ATP9A: variants seen among roughly 807,000 people sequenced by gnomAD.
ATP9A encodes ATPase phospholipid transporting 9A.
In ATP9A, 52 loss-of-function variants were observed where a neutral mutation model predicts 144.1. The observed-to-expected ratio is 0.36, with a 90% CI of 0.29 to 0.45. The LOEUF (loss-of-function observed/expected upper bound fraction) is 0.45. Ranked by LOEUF, ATP9A falls within the 20% of genes least tolerant of loss-of-function variation. The probability of loss-of-function intolerance (pLI) is 1.00; values close to 1 mark genes in which losing one functional copy is unlikely to be tolerated. For synonymous variants in ATP9A, 582 were observed against 557.4 expected (o/e 1.04, Z -0.62); for missense variants, 947 against 1,392.7 (o/e 0.68, Z 5.09).
At chr20:51,643,912 G>C (rs1349004490) in intron 14 of ATP9A, among the ~76,000 whole-genome samples, 4 of 152,110 alleles carry the variant, frequency 2.6e-5, no homozygotes, top group African/African-American at 9.7e-5. Context: ...GAGGCAGGAG[G>C]ATCACCTGAG....
chr20:51,652,288 T>C (rs1447614353), intron 14 of ATP9A, among the ~76,000 whole-genome samples: 3 of 152,188 alleles, frequency 2.0e-5, no homozygotes, highest in Admixed American at 1.3e-4. Context: ...AATCGATAGC[T>C]GAATAAAGAC....
intron 26 of ATP9A, among the ~76,000 whole-genome samples, chr20:51,605,549 T>C (rs981776775): frequency 8.5e-5 from 13 of 152,074 alleles, no homozygotes; most frequent in African/African-American, 3.1e-4. Context: ...GCCTGGGAGA[T>C]GGAGGTTACA....
chr20:51,728,689 C>A (rs2077726564), intron 2 of ATP9A, among the ~76,000 whole-genome samples: 1 of 151,782 alleles, frequency 6.6e-6, no homozygotes, highest in Non-Finnish European at 1.5e-5. Flanking sequence ...TGGCTTGAGC[C>A]CAGGAGTCTG....
intron 4 of ATP9A, 103 bp from the exon 5 acceptor site, chr20:51,697,585 T>C: frequency 2.0e-6 from 2 of 1,025,566 alleles, no homozygotes; most frequent in Non-Finnish European, 3.0e-6. Context: ...CACCCAGAAG[T>C]ACACGCTCCC....
chr20:51,621,508 A>ACAGT (rs1164015527), intron 19 of ATP9A, among the ~76,000 whole-genome samples: 2 of 152,136 alleles, frequency 1.3e-5, no homozygotes, highest in African/African-American at 4.8e-5. Context: ...AAAGCCTAGC[A>ACAGT]CAGTCCTCAC....
chr20:51,648,322 C>T (rs772362741), intron 14 of ATP9A, among the ~76,000 whole-genome samples: 1 of 152,192 alleles, frequency 6.6e-6, no homozygotes, highest in South Asian at 2.1e-4. Flanking sequence ...AGGTTTTACA[C>T]TCACGTTCAG....
rs572955565 is a variant in ATP9A, at chr20:51,602,952, C to T, written c.3008-1605G>A. 1.9e-4 allele frequency among the ~76,000 whole-genome samples: 29 copies of T among 152,244 alleles called. No homozygotes were observed. In the South Asian group the frequency reaches 5.4e-3, roughly 28 times the overall value. ...CAAAGACCACTGTTTGTTCCCCAGG[C>T]GGTGGGGTCCACACCACCCCCACTG... is the stretch of plus-strand genomic sequence containing the variant. On this transcript the variant is annotated intron_variant, in intron 27 of 27. Transcript: ENST00000338821.
At chr20:51,730,182 G>T (rs1320686960) in intron 1 of ATP9A, among the ~76,000 whole-genome samples, 1 of 152,104 alleles carries the variant, frequency 6.6e-6, no homozygotes, top group Non-Finnish European at 1.5e-5. Flanking sequence ...AAGATGCTTT[G>T]TCCTGGCCAG....
chr20:51,751,044 C>T (rs554426435), intron 1 of ATP9A, among the ~76,000 whole-genome samples: 2 of 152,156 alleles, frequency 1.3e-5, no homozygotes, highest in African/African-American at 4.8e-5. Context: ...CCATGGGTCA[C>T]GCGGATAAAG....
chr20:51,652,910 C>T lies in ATP9A; in HGVS notation c.1506+4028G>A, dbSNP rs554020024. ...GATCACGAGGTCAGGAGATCGAGAC[C>T]AACCTGGCTAACACGGTGAAACCCC... On this transcript the variant is annotated intron_variant, in intron 14 of 27. Coordinates refer to ENST00000338821, the MANE Select transcript of ATP9A (RefSeq NM_006045.3). Among the ~76,000 whole-genome samples, 5 of 152,008 alleles carry T rather than the reference C, an allele frequency of 3.3e-5. No individual in the cohort carries two copies. In the East Asian group the frequency reaches 9.7e-4, roughly 29 times the overall value.
At chr20:51,747,884 C>T (rs982861722) in intron 1 of ATP9A, among the ~76,000 whole-genome samples, 8 of 152,204 alleles carry the variant, frequency 5.3e-5, no homozygotes, top group South Asian at 2.1e-4. Context: ...GCAGCCAAGG[C>T]AGGCATGCCC....
intron 9 of ATP9A, among the ~76,000 whole-genome samples, chr20:51,682,997 C>A (rs1305391728): frequency 6.6e-6 from 1 of 150,792 alleles, no homozygotes; most frequent in African/African-American, 2.4e-5. Context: ...AAGGCTGAGG[C>A]AGGAGAATCG....
intron 1 of ATP9A, among the ~76,000 whole-genome samples, chr20:51,748,948 TAGAC>T (rs60891087): frequency 2.1e-4 from 29 of 137,904 alleles, no homozygotes; most frequent in East Asian, 1.5e-3. Context: ...GATAGATAGA[TAGAC>T]AGACAGACAG....
chr20:51,639,256 G>A, intron 15 of ATP9A, 87 bp downstream of exon 15: 1 of 1,376,322 alleles, frequency 7.3e-7, no homozygotes, highest in Non-Finnish European at 1.0e-6. Flanking sequence ...ACAGTAAAGA[G>A]GGTTAGAAAG....
At chr20:51,634,878 C>T (rs1342064249) in intron 15 of ATP9A, among the ~76,000 whole-genome samples, 1 of 93,882 alleles carries the variant, frequency 1.1e-5, no homozygotes, top group Non-Finnish European at 2.4e-5. Context: ...AATCCCCTAA[C>T]GTGTGATGTT....
rs1287214124 is a variant in ATP9A, at chr20:51,674,109, A to C, written c.1037+44T>G. On this transcript the variant is annotated intron_variant, in intron 11 of 27. Transcript: ENST00000338821. Reference sequence around the variant, plus strand: ...CATCATCTTTGAATGAGTAAAGAGAAGAAGATGTCACGGCAGCCAAACTCA... The same window carrying C: ...CATCATCTTTGAATGAGTAAAGAGACGAAGATGTCACGGCAGCCAAACTCA... 3.8e-6 allele frequency: 6 copies of C among 1,584,976 alleles called. No individual in the cohort carries two copies. In the South Asian group the frequency reaches 5.6e-5, roughly 15 times the overall value.
At chr20:51,661,032 A>G (rs535079014) in intron 13 of ATP9A, among the ~76,000 whole-genome samples, 1 of 152,258 alleles carries the variant, frequency 6.6e-6, no homozygotes, top group South Asian at 2.1e-4. Context: ...TTGGGAGAGG[A>G]ATTAAGATCT....
At chr20:51,700,712 C>A (rs1333437716) in intron 4 of ATP9A, among the ~76,000 whole-genome samples, 4 of 152,148 alleles carry the variant, frequency 2.6e-5, no homozygotes, top group Non-Finnish European at 4.4e-5. Flanking sequence ...CGCCTGTAAT[C>A]CCAGCTACTC....
chr20:51,715,461 C>T (rs903090576), intron 3 of ATP9A, among the ~76,000 whole-genome samples: 3 of 152,170 alleles, frequency 2.0e-5, no homozygotes, highest in East Asian at 3.8e-4. Context: ...CCCAAGTTTT[C>T]GTTGTTGTTT....
Sources: gnomAD v4.1 joint callset for allele counts (sites outside exome capture counted in the v4.1 genomes callset) on GRCh38, gnomAD v4.1.1 for gene constraint, MANE v1.5 for transcripts, NCBI Gene and HGNC (gene_info 2026-07-23, HGNC 2026-07-21) for gene names.